The following STXBP5 variants were observed in gnomAD, a reference collection of about 807,000 sequenced individuals.
STXBP5 encodes syntaxin binding protein 5, also known as syntaxin-binding protein 5.
STXBP5 carries 50 observed loss-of-function variants against 152.4 expected under a neutral mutation model. The observed-to-expected ratio is 0.33, with a 90% CI of 0.26 to 0.42. The LOEUF is 0.42. Ranked by LOEUF, STXBP5 falls within the 10% of genes least tolerant of loss-of-function variation. The probability of loss-of-function intolerance (pLI) is 1.00; values close to 1 mark genes in which losing one functional copy is unlikely to be tolerated. For synonymous variants in STXBP5, 492 were observed against 494.7 expected, an observed-to-expected ratio of 0.99 and a Z score of 0.07; for missense variants, 1,167 against 1,388.6, an observed-to-expected ratio of 0.84 and a Z score of 2.54.
At chr6:147,316,030 GT>G (rs1225207528) in intron 15 of STXBP5, among the ~76,000 whole-genome samples, 198 bp from the exon 16 acceptor site, 3 of 152,030 alleles carry the variant, frequency 2.0e-5, no homozygotes, top group Non-Finnish European at 4.4e-5. Context: ...CATAATGCAC[GT>G]TTGTGTGTGT....
intron 19 of STXBP5, among the ~76,000 whole-genome samples, chr6:147,338,910 C>T (rs920152331): frequency 2.6e-5 from 4 of 151,592 alleles, no homozygotes; most frequent in Admixed American, 6.6e-5. Flanking sequence ...TATTTTCTAA[C>T]ATCTAATATA....
intron 4 of STXBP5, among the ~76,000 whole-genome samples, chr6:147,250,020 G>A (rs922446800): frequency 1.3e-5 from 2 of 152,168 alleles, no homozygotes; most frequent in African/African-American, 2.4e-5. Context: ...TTTAAGACCT[G>A]CAAGTTTCTT....
rs921697860 is a variant in STXBP5 at position 147,327,144 on chromosome 6, A to G, written c.1948A>G (p.Asn650Asp). 3 of 1,607,442 alleles carry G rather than the reference A, an allele frequency of 1.9e-6. No homozygotes were observed. The highest frequency in any genetic ancestry group is 1.7e-5 in the Admixed American group (1 of 58,158). ...SYGLVVFGNC[N>D]GIAMVDYLQK... is the part of the protein sequence containing the mutation. ...TCCCAGGGTGGTTTTTGGCAATTGC[A>G]ATGGCATTGCTATGGTTGACTACCT... Residue 650 changes from asparagine (N) to aspartate (D), a missense_variant, in exon 18 of 28, where the codon AAT becomes GAT. This residue lies in a region of STXBP5 where 833 missense variants were observed against 986.3 expected (regional missense o/e 0.84). Transcript: ENST00000321680.
intron 2 of STXBP5, among the ~76,000 whole-genome samples, chr6:147,222,885 C>G (rs1777529071): frequency 1.3e-5 from 2 of 152,338 alleles, no homozygotes; most frequent in Non-Finnish European, 2.9e-5. Flanking sequence ...GAGCCTCCGG[C>G]TATTCCTCAG....
intron 18 of STXBP5, chr6:147,328,753 CTA>C (rs937942647): frequency 1.1e-5 from 5 of 470,824 alleles, no homozygotes; most frequent in African/African-American, 1.0e-4. Flanking sequence ...TATTCTGAAT[CTA>C]TGAAAAAACT....
chr6:147,295,130 T>C (rs1781452551), intron 9 of STXBP5, among the ~76,000 whole-genome samples: 1 of 152,224 alleles, frequency 6.6e-6, no homozygotes, highest in African/African-American at 2.4e-5. Flanking sequence ...TCTGGCACAT[T>C]ATAGGTGTTT....
chr6:147,331,655 G>A (rs1783574722), intron 18 of STXBP5, among the ~76,000 whole-genome samples: 1 of 152,144 alleles, frequency 6.6e-6, no homozygotes, highest in African/African-American at 2.4e-5. Flanking sequence ...TGCCAGTAAT[G>A]TGGCAGAACT....
chr6:147,280,324 G>A (rs1780643542), intron 8 of STXBP5, among the ~76,000 whole-genome samples: 1 of 152,110 alleles, frequency 6.6e-6, no homozygotes. Flanking sequence ...TATCCCAAAA[G>A]GATTGAGGTG....
chr6:147,212,785 G>A (rs1776924868), intron 2 of STXBP5, among the ~76,000 whole-genome samples: 1 of 152,182 alleles, frequency 6.6e-6, no homozygotes, highest in African/African-American at 2.4e-5. Context: ...CCAGGAAAGA[G>A]CATGTGAATG....
Position 147,366,153 on chromosome 6 carries a change from G to T in STXBP5, c.3081+1987G>T, listed in dbSNP as rs531238138. Among the ~76,000 whole-genome samples the T allele has an allele frequency of 2.0e-5, 3 of 152,286 alleles. No homozygotes were observed. In the South Asian group the frequency reaches 6.2e-4, roughly 32 times the overall value. On this transcript the variant is annotated intron_variant, in intron 25 of 27. Transcript: ENST00000321680. Reference sequence around the variant, plus strand: ...TTGGGGACACCAGGTAAATTCGAGAGAAAAGAGCTACAAAGAGAAAGAACC... The same window carrying T: ...TTGGGGACACCAGGTAAATTCGAGATAAAAGAGCTACAAAGAGAAAGAACC...
chr6:147,363,305 T>C (rs752451133), intron 23 of STXBP5, 30 bp from the exon 24 acceptor site: 1 of 1,529,314 alleles, frequency 6.5e-7, no homozygotes, highest in Non-Finnish European at 8.8e-7. Context: ...TTAAAATATT[T>C]CAGTTATTTA....
chr6:147,217,280 T>C (rs1018401434), intron 2 of STXBP5, among the ~76,000 whole-genome samples: 7 of 152,214 alleles, frequency 4.6e-5, no homozygotes, highest in Non-Finnish European at 8.8e-5. Context: ...TTTTTCATAA[T>C]GTGTTGTATT....
At chr6:147,276,953 A>G (rs1780472051) in intron 7 of STXBP5, among the ~76,000 whole-genome samples, 1 of 152,122 alleles carries the variant, frequency 6.6e-6, no homozygotes, top group African/African-American at 2.4e-5. Context: ...CAAATTGCAT[A>G]TTGAACCATC....
At chr6:147,290,947 A>G (rs1781248156) in intron 8 of STXBP5, 147 bp from the exon 9 acceptor site, 2 of 500,618 alleles carry the variant, frequency 4.0e-6, no homozygotes, top group Non-Finnish European at 3.4e-6. Context: ...AAAATATCTT[A>G]CTGTGTATTA....
chr6:147,384,652 A>C, intron 27 of STXBP5, 62 bp from the exon 28 acceptor site: 1 of 1,508,886 alleles, frequency 6.6e-7, no homozygotes, highest in Non-Finnish European at 9.2e-7. Context: ...TATAGAAATC[A>C]CTTATAAATG....
chr6:147,277,979 A>G (rs1192023512), intron 7 of STXBP5, 102 bp from the exon 8 acceptor site: 1 of 1,065,298 alleles, frequency 9.4e-7, no homozygotes, highest in East Asian at 2.7e-5. Context: ...TAACCTTAGG[A>G]AATAAAGAAA....
intron 21 of STXBP5, among the ~76,000 whole-genome samples, chr6:147,348,234 G>T (rs1422460674): frequency 6.6e-6 from 1 of 152,052 alleles, no homozygotes; most frequent in Non-Finnish European, 1.5e-5. Flanking sequence ...GGTAGATACT[G>T]CACAGTTCTT....
At chr6:147,207,245 G>C (rs1472268126) in intron 2 of STXBP5, among the ~76,000 whole-genome samples, 1 of 152,110 alleles carries the variant, frequency 6.6e-6, no homozygotes, top group Non-Finnish European at 1.5e-5. Context: ...TAGATAGATA[G>C]ATAATGCCTC....
At chr6:147,235,356 C>A (rs1161176283) in intron 3 of STXBP5, 25 bp downstream of exon 3, 2 of 1,588,308 alleles carry the variant, frequency 1.3e-6, no homozygotes, top group Admixed American at 3.4e-5. Context: ...TTAATCATTT[C>A]TACTTATATC....
Sources: allele counts gnomAD v4.1 joint callset (sites outside exome capture counted in the v4.1 genomes callset), GRCh38; gene constraint gnomAD v4.1.1; regional missense constraint gnomAD v4.1.1; transcripts MANE v1.5; gene names NCBI Gene and HGNC (gene_info 2026-07-23, HGNC 2026-07-21).